The following PCSK5 variants were observed in gnomAD, a reference collection of about 807,000 sequenced individuals.
PCSK5 encodes the protein prohormone convertase 5.
Under a neutral mutation model 233.2 loss-of-function variants are expected in PCSK5, and 129 were observed. That is an observed-to-expected ratio of 0.55 (90% confidence interval 0.48 to 0.64). PCSK5 has a LOEUF of 0.64. Ranked by LOEUF, PCSK5 falls within the 30% of genes least tolerant of loss-of-function variation. The pLI is 0.00. For synonymous variants in PCSK5, 825 were observed against 879.2 expected (o/e 0.94, Z 1.09); for missense variants, 2,076 against 2,430.1 (o/e 0.85, Z 3.06).
intron 2 of PCSK5, among the ~76,000 whole-genome samples, chr9:75,952,029 TA>T (rs1360824229): frequency 6.6e-6 from 1 of 152,236 alleles, no homozygotes; most frequent in Non-Finnish European, 1.5e-5. Flanking sequence ...AACATCACTA[TA>T]CTTAACCACC....
rs1564163959 is a variant in PCSK5, at chr9:76,296,672, T to A, written c.3330T>A (p.Ser1110Arg). The A allele has an allele frequency of 6.2e-7, 1 of 1,606,102 alleles. No individual in the cohort carries two copies. ...CEEGFFLLGG[S>R]CVRKCGPGFY... ...CTCTGTGTTCTCACATAGGTGGCAG[T>A]TGTGTGAGGAAATGTGGTCCTGGAT... Residue 1110 changes from serine to arginine, a missense_variant, in exon 27 of 38, where the codon AGT (serine) becomes AGA (arginine). This residue lies in a region of PCSK5 where 1,510 missense variants were observed against 1,538.1 expected (regional missense o/e 0.98). Coordinates refer to ENST00000674117, the MANE Select transcript of PCSK5 (RefSeq NM_001372043.1).
chr9:75,923,952 C>T (rs374721626), intron 1 of PCSK5, among the ~76,000 whole-genome samples: 187 of 152,242 alleles, frequency 1.2e-3, no homozygotes, highest in African/African-American at 4.3e-3. Context: ...CTTTGGTTAT[C>T]ACATCTCTTT....
chr9:76,104,954 T>C (rs1443152460), intron 8 of PCSK5, among the ~76,000 whole-genome samples: 1 of 152,202 alleles, frequency 6.6e-6, no homozygotes, highest in Non-Finnish European at 1.5e-5. Flanking sequence ...ACCAGGGCTT[T>C]GGAAAATCAG....
intron 21 of PCSK5, among the ~76,000 whole-genome samples, chr9:76,231,189 G>A (rs1826066945): frequency 6.6e-6 from 1 of 152,128 alleles, no homozygotes. Context: ...TTCACAGGGT[G>A]GCAGGAAGGA....
chr9:76,042,075 G>A (rs959382978), intron 5 of PCSK5, among the ~76,000 whole-genome samples: 2 of 152,064 alleles, frequency 1.3e-5, no homozygotes, highest in African/African-American at 2.4e-5. Flanking sequence ...TGTGTATTAC[G>A]ATTAATTCTA....
chr9:76,328,826 T>C (rs1829446519), intron 33 of PCSK5, among the ~76,000 whole-genome samples: 1 of 151,952 alleles, frequency 6.6e-6, no homozygotes, highest in Admixed American at 6.6e-5. Context: ...GTTTGTTTGT[T>C]GGGAAGGAGT....
chr9:76,044,489 T>C lies in PCSK5; in HGVS notation c.632+17452T>C, dbSNP rs534381202. Among the ~76,000 whole-genome samples the C allele has an allele frequency of 3.9e-5, 6 of 152,322 alleles. No homozygotes were observed. In the South Asian group the frequency reaches 1.2e-3, roughly 32 times the overall value. On this transcript the variant is annotated intron_variant, in intron 5 of 37. Transcript: ENST00000674117. The stretch of plus-strand genomic sequence containing the variant: ...TAGGAATAACTTAGGGTAAGTCTTA[T>C]TACCACTGGGAGACTTAATTATCTT...
intron 34 of PCSK5, among the ~76,000 whole-genome samples, chr9:76,334,074 T>G (rs1564187104): frequency 6.6e-6 from 1 of 152,130 alleles, no homozygotes; most frequent in Non-Finnish European, 1.5e-5. Flanking sequence ...TCACATCTTA[T>G]GTGGATAGCG....
At chr9:76,301,301 G>A (rs576670737) in intron 27 of PCSK5, among the ~76,000 whole-genome samples, 7 of 150,786 alleles carry the variant, frequency 4.6e-5, no homozygotes, top group Non-Finnish European at 8.9e-5. Context: ...AAGAAAGAAA[G>A]CCATTTGAGA....
intron 2 of PCSK5, among the ~76,000 whole-genome samples, chr9:75,951,811 C>T (rs965157561): frequency 6.6e-6 from 1 of 152,098 alleles, no homozygotes; most frequent in Non-Finnish European, 1.5e-5. Flanking sequence ...AGGGCATTTA[C>T]ATTGTATTAG....
At chr9:76,027,069 G>A in intron 5 of PCSK5, 32 bp downstream of exon 5, 1 of 1,451,642 alleles carries the variant, frequency 6.9e-7, no homozygotes, top group Non-Finnish European at 9.6e-7. Context: ...GCTGGCATGT[G>A]GCTGGCAAGG....
intron 1 of PCSK5, among the ~76,000 whole-genome samples, chr9:75,931,302 A>G (rs958042298): frequency 2.7e-5 from 4 of 150,682 alleles, no homozygotes; most frequent in Admixed American, 2.0e-4. Flanking sequence ...ACTTGTCCCA[A>G]CTGGAAAACA....
intron 5 of PCSK5, among the ~76,000 whole-genome samples, chr9:76,032,204 C>G (rs1828679749): frequency 6.6e-6 from 1 of 152,174 alleles, no homozygotes; most frequent in Admixed American, 6.5e-5. Context: ...AACAATCAGA[C>G]CAGTAGGCTT....
chr9:76,325,875 G>C (rs1179892567), intron 32 of PCSK5, among the ~76,000 whole-genome samples: 1 of 152,142 alleles, frequency 6.6e-6, no homozygotes, highest in African/African-American at 2.4e-5. Context: ...GACCTTAGGT[G>C]ATCTGCCCGT....
chr9:75,943,141 T>C (rs1824399137), intron 2 of PCSK5, among the ~76,000 whole-genome samples: 1 of 152,120 alleles, frequency 6.6e-6, no homozygotes, highest in African/African-American at 2.4e-5. Context: ...CGCCTCTGCC[T>C]CCCAAAGTGC....
intron 25 of PCSK5, 66 bp from the exon 26 acceptor site, chr9:76,295,209 T>G: frequency 1.4e-6 from 2 of 1,422,030 alleles, no homozygotes; most frequent in Non-Finnish European, 9.7e-7. Flanking sequence ...CATAAGGAGA[T>G]TAAATTATGG....
chr9:76,351,447 G>GAAAGGAAA (rs1491332963), intron 36 of PCSK5, among the ~76,000 whole-genome samples: 37 of 27,452 alleles, frequency 1.3e-3, no homozygotes, highest in African/African-American at 3.8e-3. Flanking sequence ...GTGAAAGAAA[G>GAAAGGAAA]GAAAGAAAGA....
At chr9:75,995,329 T>C (rs990322507) in intron 3 of PCSK5, among the ~76,000 whole-genome samples, 4 of 152,198 alleles carry the variant, frequency 2.6e-5, no homozygotes, top group Non-Finnish European at 5.9e-5. Context: ...TCCTGATATA[T>C]ATATAATAGG....
chr9:76,315,751 GC>G (rs991892283), intron 30 of PCSK5, among the ~76,000 whole-genome samples: 4 of 149,562 alleles, frequency 2.7e-5, no homozygotes, highest in African/African-American at 9.9e-5. Flanking sequence ...TTCTGCCTCA[GC>G]CTCCTGAGTA....
Sources: gnomAD v4.1 joint callset for allele counts (sites outside exome capture counted in the v4.1 genomes callset) on GRCh38, gnomAD v4.1.1 for gene constraint, gnomAD v4.1.1 regional missense constraint, MANE v1.5 for transcripts, NCBI Gene and HGNC (gene_info 2026-07-23, HGNC 2026-07-21) for gene names.